SH3KBP1: variants seen among roughly 807,000 people sequenced by gnomAD.
SH3KBP1 encodes SH3 domain-containing kinase-binding protein 1.
A neutral mutation model predicts 50.1 loss-of-function variants in SH3KBP1; 8 were observed. The ratio of observed to expected loss-of-function variants is 0.16; its 90% CI spans 0.09 to 0.29. SH3KBP1 has a LOEUF of 0.29. SH3KBP1 is among the 10% of genes least tolerant of loss of function. SH3KBP1 has a pLI of 1.00. For synonymous variants in SH3KBP1, 227 were observed against 218.6 expected (o/e 1.04, Z -0.34); for missense variants, 377 against 535.2 (o/e 0.70, Z 2.92).
chrX:19,694,086 G>A (rs771621156), intron 5 of SH3KBP1, among the ~76,000 whole-genome samples: 1 of 112,250 alleles, frequency 8.9e-6, no homozygotes, highest in South Asian at 3.7e-4. Flanking sequence ...CATTTATTAT[G>A]GGTCTGCTAT....
chrX:19,788,269 C>CAAAAAAAAAAAAAAAAAAAA (rs1227301099), intron 2 of SH3KBP1, among the ~76,000 whole-genome samples: 2 of 25,583 alleles, frequency 7.8e-5, no homozygotes, highest in African/African-American at 2.0e-4. Context: ...ATTCTATCTC[C>CAAAAAAAAAAAAAAAAAAAA]AAAAAAAAAA....
intron 1 of SH3KBP1, among the ~76,000 whole-genome samples, chrX:19,839,342 T>A: frequency 9.4e-6 from 1 of 106,514 alleles, no homozygotes; most frequent in Non-Finnish European, 1.9e-5. Context: ...AAACAAAATT[T>A]TTTTTTTTTT....
chrX:19,642,701 G>C (rs2061888299), intron 7 of SH3KBP1, among the ~76,000 whole-genome samples: 2 of 111,719 alleles, frequency 1.8e-5, no homozygotes, highest in African/African-American at 6.5e-5. Flanking sequence ...GGAACCTCAG[G>C]GCACTTCATT....
intron 6 of SH3KBP1, among the ~76,000 whole-genome samples, chrX:19,679,372 A>G (rs1462798392): frequency 1.8e-5 from 2 of 111,457 alleles, no homozygotes; most frequent in Non-Finnish European, 3.8e-5. Context: ...ATTTTCAGGT[A>G]TATATTTTTT....
chrX:19,851,707 TTTTA>T (rs2068514495), intron 1 of SH3KBP1, among the ~76,000 whole-genome samples: 1 of 111,635 alleles, frequency 9.0e-6, no homozygotes, highest in African/African-American at 3.3e-5. Flanking sequence ...CAGATAATTA[TTTTA>T]TTTTTTGTAG....
intron 6 of SH3KBP1, among the ~76,000 whole-genome samples, chrX:19,676,640 T>C (rs896101459): frequency 9.1e-6 from 1 of 110,022 alleles, no homozygotes; most frequent in African/African-American, 3.3e-5. Context: ...AAAAATTAAA[T>C]ACAAAAAAAA....
chrX:19,836,013 G>C (rs2068048083), intron 2 of SH3KBP1, 112 bp downstream of exon 2: 3 of 691,170 alleles, frequency 4.3e-6, no homozygotes, highest in Non-Finnish European at 6.7e-6. Context: ...TCACAGAGGA[G>C]GGCAAGCCAT....
Position 19,706,932 on chromosome X carries a change from A to C in SH3KBP1, c.339T>G (p.Asn113Lys). The change falls in exon 4 of 18, where the codon AAT (asparagine) becomes AAG (lysine). Residue 113 changes from asparagine (N) to lysine (K), a missense_variant. By Grantham distance (94) the Asn-to-Lys change is moderately conservative (BLOSUM62 0). Transcript: ENST00000397821. ...CQVAFSYLPQ[N>K]DDELELKVGD... The stretch of plus-strand genomic sequence containing the variant: ...CAACTTTCAGCTCAAGTTCATCGTC[A>C]TTCTGGGGCAGGTAGCTGAATGCCA... 8.3e-7 allele frequency: 1 copy of C among 1,211,763 alleles called. No homozygotes were observed. The highest frequency in any genetic ancestry group is 1.1e-6 in the Non-Finnish European group (1 of 895,446).
At position 19,746,415 on chromosome X, in the gene SH3KBP1, G is replaced by A; in HGVS notation, c.189C>T (p.Asp63=). 2.5e-6 allele frequency: 3 copies of A among 1,203,247 alleles called. No individual in the cohort carries two copies. Among genetic ancestry groups the A allele is most frequent in the Non-Finnish European group, 3.4e-6 (3 of 892,093 alleles). The change falls in exon 3 of 18, where the codon GAC becomes GAT. Residue 63 remains aspartate, a synonymous_variant. Coordinates refer to ENST00000397821, the MANE Select transcript of SH3KBP1 (RefSeq NM_031892.3). ...VREIKKEMKK[D]PLTNKAPEKP... ...TTTCTGGAGCTTTGTTGGTGAGAGG[G>A]TCTTTCTTCATCTCTTTCTTTATTT...
chrX:19,675,110 T>TAAATAAATAAAC (rs1319973902), intron 6 of SH3KBP1, among the ~76,000 whole-genome samples: 1 of 110,342 alleles, frequency 9.1e-6, no homozygotes. Context: ...AATAAATAAA[T>TAAATAAATAAAC]AGAAATAACC....
At chrX:19,861,258 T>C (rs1378454098) in intron 1 of SH3KBP1, among the ~76,000 whole-genome samples, 1 of 109,103 alleles carries the variant, frequency 9.2e-6, no homozygotes, top group East Asian at 2.9e-4. Flanking sequence ...GCACCTGTAG[T>C]CCCAGCTACT....
Position 19,611,956 on chromosome X carries a change from G to GAAAA in SH3KBP1, c.898-3915_898-3912dup, listed in dbSNP as rs3036638. Reference sequence around the variant, plus strand: ...TGATTTAGTGCTACTAGCAGAAGTAGAAAAAAAAAAAAAAAAAAAAAACAA... The same window carrying GAAAA: ...TGATTTAGTGCTACTAGCAGAAGTAGAAAAAAAAAAAAAAAAAAAAAAAAAACAA... On this transcript the variant is annotated intron_variant, in intron 8 of 17. Transcript: ENST00000397821. 8.3e-3 allele frequency among the ~76,000 whole-genome samples: 315 copies of GAAAA among 37,833 alleles called. 9 individuals carry two copies. Among genetic ancestry groups the GAAAA allele is most frequent in the African/African-American group, 0.025 (246 of 9,776 alleles). 32.9% of individuals were successfully genotyped at this position (37,833 alleles called of 115,157 possible). A position where few individuals can be genotyped will look rare whatever the true frequency, so the allele number is the denominator to read the frequency against.
At chrX:19,799,119 C>A (rs2066816288) in intron 2 of SH3KBP1, among the ~76,000 whole-genome samples, 2 of 109,655 alleles carry the variant, frequency 1.8e-5, no homozygotes, top group African/African-American at 6.7e-5. Context: ...TTTCTTCACA[C>A]TACAGGAAAG....
chrX:19,644,039 C>T (rs1173310380), intron 7 of SH3KBP1, among the ~76,000 whole-genome samples: 2 of 111,990 alleles, frequency 1.8e-5, no homozygotes, highest in Non-Finnish European at 1.9e-5. Context: ...AGTTAATAGA[C>T]GCTTTTAGGA....
At chrX:19,724,063 T>G (rs1290990459) in intron 3 of SH3KBP1, among the ~76,000 whole-genome samples, 1 of 112,002 alleles carries the variant, frequency 8.9e-6, no homozygotes, top group African/African-American at 3.2e-5. Flanking sequence ...AAAGGTGTAT[T>G]TTTTTAAAAG....
At chrX:19,764,014 CAAAAA>C (rs761696272) in intron 2 of SH3KBP1, among the ~76,000 whole-genome samples, 1 of 37,523 alleles carries the variant, frequency 2.7e-5, no homozygotes. Flanking sequence ...GACTCTGTCT[CAAAAA>C]AAAAAAAAAA....
intron 2 of SH3KBP1, among the ~76,000 whole-genome samples, chrX:19,757,431 T>C (rs1025695881): frequency 5.4e-5 from 6 of 110,404 alleles, no homozygotes; most frequent in African/African-American, 2.0e-4. Context: ...ACAGGTGCAG[T>C]TGTCCCCTGC....
chrX:19,689,897 G>T (rs918276865), intron 5 of SH3KBP1, among the ~76,000 whole-genome samples: 3 of 111,653 alleles, frequency 2.7e-5, no homozygotes. Context: ...AAAGTCTAAT[G>T]ATGCCACAGA....
chrX:19,629,031 T>C (rs1184247304), intron 8 of SH3KBP1, among the ~76,000 whole-genome samples: 1 of 111,275 alleles, frequency 9.0e-6, no homozygotes, highest in Admixed American at 9.5e-5. Flanking sequence ...CGCACGAACC[T>C]GGGAGGTGGA....
Sources: gnomAD v4.1 joint callset for allele counts (sites outside exome capture counted in the v4.1 genomes callset) on GRCh38, gnomAD v4.1.1 for gene constraint, MANE v1.5 for transcripts, NCBI Gene and HGNC (gene_info 2026-07-23, HGNC 2026-07-21) for gene names.